Variants in UNC79 observed in about 807,000 individuals in gnomAD.
The protein encoded by UNC79 is protein unc-79 homolog.
A neutral mutation model predicts 283.1 loss-of-function variants in UNC79; 37 were observed. The ratio of observed to expected loss-of-function variants is 0.13; its 90% CI spans 0.10 to 0.17. The LOEUF is 0.17. Ranked by LOEUF, UNC79 falls within the 10% of genes least tolerant of loss-of-function variation. The pLI, the probability that UNC79 is intolerant of heterozygous loss-of-function variation, is 1.00. For synonymous variants in UNC79, 1,107 were observed against 1,200.2 expected, an observed-to-expected ratio of 0.92 and a Z score of 1.61; for missense variants, 2,272 against 3,211.1, an observed-to-expected ratio of 0.71 and a Z score of 7.07.
chr14:93,423,996 G>C (rs1474607479), intron 1 of UNC79, among the ~76,000 whole-genome samples: 1 of 152,050 alleles, frequency 6.6e-6, no homozygotes, highest in African/African-American at 2.4e-5. Flanking sequence ...AATATATAAG[G>C]AGTTCAAACA....
chr14:93,372,541 A>C (rs1595399242), intron 1 of UNC79, among the ~76,000 whole-genome samples: 1 of 152,240 alleles, frequency 6.6e-6, no homozygotes, highest in African/African-American at 2.4e-5. Context: ...TCAAACAGAG[A>C]AGACTTCAGA....
chr14:93,370,923 A>T (rs2054429959), intron 1 of UNC79, among the ~76,000 whole-genome samples: 1 of 152,176 alleles, frequency 6.6e-6, no homozygotes, highest in African/African-American at 2.4e-5. Context: ...GGAATACTAG[A>T]GGGAGAAGAT....
chr14:93,463,132 G>T (rs2057020602), intron 1 of UNC79, among the ~76,000 whole-genome samples: 1 of 152,144 alleles, frequency 6.6e-6, no homozygotes, highest in African/African-American at 2.4e-5. Flanking sequence ...CGTTCCAGGG[G>T]GAGGAAGAGC....
chr14:93,419,600 G>T lies in UNC79; in HGVS notation c.-350-48071G>T, dbSNP rs115484416. ...AAAAGCAGGGGGATGAAGTTAAGGTGTAGAGTTTTATTGGTTTTCTTTTTG... is the reference window on the plus strand; with the variant it reads ...AAAAGCAGGGGGATGAAGTTAAGGTTTAGAGTTTTATTGGTTTTCTTTTTG... On this transcript the variant is annotated intron_variant, in intron 1 of 49. Coordinates refer to the UNC79 transcript ENST00000256339. 7.0e-3 allele frequency among the ~76,000 whole-genome samples: 1,057 copies of T among 151,966 alleles called. 15 individuals are homozygous for T. The highest frequency in any genetic ancestry group is 0.022 in the East Asian group (112 of 5,150).
In UNC79 at chr14:93,621,737, C is replaced by T; in HGVS notation, c.4504C>T (p.Leu1502Phe). The T allele has an allele frequency of 2.5e-6, 4 of 1,614,056 alleles. No homozygotes were observed. Among genetic ancestry groups the T allele is most frequent in the Non-Finnish European group, 1.7e-6 (2 of 1,179,998 alleles). Residue 1502 changes from leucine (L) to phenylalanine (F), a missense_variant, in exon 30 of 49, where the codon CTT becomes TTT. Physicochemically the swap from Leu to Phe is conservative, Grantham distance 22. This residue lies in a region of UNC79 where 580 missense variants were observed against 632.2 expected (regional missense o/e 0.92). Transcript: ENST00000555664. This position sits in a 1 kb window ranked among gnomAD's most constrained non-coding sequence, Gnocchi z 4.8. ...GCTACGCTCTTTCAAACAAAAATCT[C>T]TTGATATAGGGAATGCAGACTCGCT...
rs1368768427 is a variant in UNC79 at position 93,580,138 on chromosome 14, A to G, written c.2434-11A>G. 2.5e-6 allele frequency: 4 copies of G among 1,594,482 alleles called. No individual in the cohort carries two copies. In the South Asian group the frequency reaches 4.5e-5, roughly 18 times the overall value. The stretch of plus-strand genomic sequence containing the variant: ...TGTGTGTGCGTGTGTCCTTTTTTTG[A>G]TGTCTTTCAGATGGAGTTACAAGAT... On this transcript the variant is annotated splice_polypyrimidine_tract_variant and intron_variant, in intron 18 of 48. Coordinates refer to ENST00000555664, the Ensembl canonical transcript of UNC79.
At chr14:93,491,294 A>G (rs947835395) in intron 5 of UNC79, among the ~76,000 whole-genome samples, 1 of 151,886 alleles carries the variant, frequency 6.6e-6, no homozygotes, top group African/African-American at 2.4e-5. Context: ...TGATTATTAT[A>G]TAGATATAAT....
intron 8 of UNC79, among the ~76,000 whole-genome samples, chr14:93,524,938 C>T (rs2060479504): frequency 1.3e-5 from 2 of 152,060 alleles, no homozygotes; most frequent in African/African-American, 4.8e-5. Flanking sequence ...AGAAAACTAA[C>T]ACCATCTCTT....
At chr14:93,367,707 C>T (rs2054363812) in intron 1 of UNC79, among the ~76,000 whole-genome samples, 1 of 152,150 alleles carries the variant, frequency 6.6e-6, no homozygotes, top group African/African-American at 2.4e-5. Context: ...TGTTGACTCC[C>T]TGTGTTAGTC....
In UNC79 at chr14:93,621,796, G is replaced by C. The variant is rs780700328; in HGVS notation, c.4563G>C (p.Ser1521=). 4 of 1,614,020 alleles carry C rather than the reference G, an allele frequency of 2.5e-6. No individual in the cohort carries two copies. Among genetic ancestry groups the C allele is most frequent in the African/African-American group, 1.3e-5 (1 of 75,002 alleles). Residue 1521 remains serine, a synonymous_variant, in exon 30 of 49, where the codon TCG becomes TCC. Coordinates refer to ENST00000555664, the Ensembl canonical transcript of UNC79. The surrounding 1 kb of genome is among the most constrained non-coding windows in gnomAD (Gnocchi z 4.8). ...CATTAGACGAACATCGTAGGAAGTCGTGCATAGATCGGTGTGACATAGAGA... is the reference window on the plus strand; with the variant it reads ...CATTAGACGAACATCGTAGGAAGTCCTGCATAGATCGGTGTGACATAGAGA...
chr14:93,601,751 C>T (rs2065522195), intron 25 of UNC79, among the ~76,000 whole-genome samples: 1 of 152,164 alleles, frequency 6.6e-6, no homozygotes, highest in Non-Finnish European at 1.5e-5. Context: ...TTTACCACAT[C>T]CCCACCAATA....
chr14:93,462,889 G>A (rs1185826666), intron 1 of UNC79, among the ~76,000 whole-genome samples: 3 of 152,274 alleles, frequency 2.0e-5, no homozygotes, highest in East Asian at 3.9e-4. Context: ...TTCCCAAGTG[G>A]AGAAATTGAA....
chr14:93,566,662 G>T (rs1026692398), intron 14 of UNC79, among the ~76,000 whole-genome samples: 1 of 139,786 alleles, frequency 7.2e-6, no homozygotes, highest in Non-Finnish European at 1.5e-5. Context: ...TTTTTGAGAC[G>T]GAATCTTGCT....
At chr14:93,487,722 C>A in exon 5 of UNC79, 2 of 1,614,024 alleles carry the variant, frequency 1.2e-6, no homozygotes, top group Non-Finnish European at 1.7e-6. Flanking sequence ...ATCATCCATG[C>A]TAATGATTGC....
chr14:93,622,428 T>A, exon 30 of UNC79: 4 of 1,614,166 alleles, frequency 2.5e-6, no homozygotes, highest in Non-Finnish European at 2.5e-6. Flanking sequence ...CCAGAGGAGC[T>A]GCCAGAGTTC....
At chr14:93,363,283 C>T (rs1164150288) in intron 1 of UNC79, among the ~76,000 whole-genome samples, 2 of 152,010 alleles carry the variant, frequency 1.3e-5, no homozygotes, top group Non-Finnish European at 2.9e-5. Flanking sequence ...TTTGAGAGCT[C>T]TTGGTATTGA....
intron 26 of UNC79, among the ~76,000 whole-genome samples, chr14:93,609,217 G>A (rs143202209): frequency 6.6e-6 from 1 of 152,270 alleles, no homozygotes; most frequent in East Asian, 1.9e-4. Context: ...GTTGGGGGAG[G>A]GTAGAGAACC....
intron 1 of UNC79, among the ~76,000 whole-genome samples, chr14:93,411,330 C>A (rs753906372): frequency 1.3e-5 from 2 of 152,168 alleles, no homozygotes; most frequent in Non-Finnish European, 2.9e-5. Flanking sequence ...GTCTCTGGCT[C>A]CTGGATGTCA....
chr14:93,396,791 G>GTGTGTGTGTGTGTGTT (rs1406774812), intron 1 of UNC79, among the ~76,000 whole-genome samples: 1 of 151,694 alleles, frequency 6.6e-6, no homozygotes, highest in Non-Finnish European at 1.5e-5. Flanking sequence ...GTGTGTGTGT[G>GTGTGTGTGTGTGTGTT]TGTGTGTGTG....
Sources: gnomAD v4.1 joint callset for allele counts (sites outside exome capture counted in the v4.1 genomes callset) on GRCh38, gnomAD v4.1.1 for gene constraint, gnomAD v4.1.1 regional missense constraint, Gnocchi (gnomAD v3.1) non-coding constraint, MANE v1.5 for transcripts, NCBI Gene and HGNC (gene_info 2026-07-23, HGNC 2026-07-21) for gene names.